Variants in NAALADL2 observed in about 807,000 individuals in gnomAD.
The protein encoded by NAALADL2 is inactive N-acetylated-alpha-linked acidic dipeptidase-like protein 2.
Under a neutral mutation model 87.2 loss-of-function variants are expected in NAALADL2, and 76 were observed. That is an observed-to-expected ratio of 0.87 (90% CI 0.72 to 1.05). The LOEUF (loss-of-function observed/expected upper bound fraction) is 1.05. Ranked by LOEUF, NAALADL2 falls within the 50% of genes least tolerant of loss-of-function variation. NAALADL2 has a pLI of 0.00. For missense variants in NAALADL2, 1,089 were observed against 945.8 expected, an observed-to-expected ratio of 1.15 and a Z score of -1.99; for synonymous variants, 354 against 331.0, an observed-to-expected ratio of 1.07 and a Z score of -0.75.
In NAALADL2 at chr3:175,446,922, C is replaced by T. The variant is rs571551194; in HGVS notation, c.1091-307C>T. 2.0e-5 allele frequency among the ~76,000 whole-genome samples: 3 copies of T among 152,262 alleles called. No homozygotes were observed. In the East Asian group the frequency reaches 5.8e-4, roughly 29 times the overall value. On this transcript the variant is annotated intron_variant, in intron 5 of 13. Transcript: ENST00000454872. ...TTATTACTATCTATTCTCCTGGCCCCTGTACCTTTATGCTTTCTCATTCTT... is the reference window on the plus strand; with the variant it reads ...TTATTACTATCTATTCTCCTGGCCCTTGTACCTTTATGCTTTCTCATTCTT...
chr3:174,915,045 T>C (rs1734193743), intron 1 of NAALADL2, among the ~76,000 whole-genome samples: 1 of 152,182 alleles, frequency 6.6e-6, no homozygotes, highest in African/African-American at 2.4e-5. Flanking sequence ...CTGGACAGGT[T>C]CTAAGAGTTC....
rs142771289 is a variant in NAALADL2 at position 175,031,050 on chromosome 3, T to A, written c.44-65740T>A. 3.2e-3 allele frequency among the ~76,000 whole-genome samples: 489 copies of A among 152,176 alleles called. 3 individuals are homozygous for A. Among genetic ancestry groups the A allele is most frequent in the African/African-American group, 0.01 (420 of 41,556 alleles). On this transcript the variant is annotated intron_variant, in intron 1 of 13. Transcript: ENST00000454872. Reference sequence around the variant, plus strand: ...TATTATAATTTTAAATAGTTAAATATCATGCATGATATTATAAAACTGTTA... The same window carrying A: ...TATTATAATTTTAAATAGTTAAATAACATGCATGATATTATAAAACTGTTA...
intron 2 of NAALADL2, among the ~76,000 whole-genome samples, chr3:174,610,288 T>C (rs1288945850): frequency 2.0e-5 from 3 of 151,940 alleles, no homozygotes; most frequent in East Asian, 3.9e-4. Context: ...CCAAAAGCAA[T>C]AGCAACAAAA....
intron 10 of NAALADL2, among the ~76,000 whole-genome samples, chr3:175,622,219 T>G (rs1188451841): frequency 6.6e-6 from 1 of 152,150 alleles, no homozygotes; most frequent in Non-Finnish European, 1.5e-5. Flanking sequence ...ACTTCATTGA[T>G]TTCATTAATA....
intron 1 of NAALADL2, among the ~76,000 whole-genome samples, chr3:174,924,758 T>C (rs1401469820): frequency 2.0e-5 from 3 of 152,130 alleles, no homozygotes; most frequent in Non-Finnish European, 4.4e-5. Context: ...ACCATTCTAA[T>C]TGGTGTGAGA....
chr3:175,074,352 T>C (rs1269728370), intron 1 of NAALADL2, among the ~76,000 whole-genome samples: 1 of 152,136 alleles, frequency 6.6e-6, no homozygotes, highest in Non-Finnish European at 1.5e-5. Context: ...AGATTTACTT[T>C]ATTTATCAAA....
intron 1 of NAALADL2, among the ~76,000 whole-genome samples, chr3:174,442,546 T>G (rs1046954171): frequency 8.5e-5 from 13 of 152,240 alleles, no homozygotes; most frequent in African/African-American, 3.1e-4. Context: ...GAATGAAATG[T>G]AATTTATTAA....
intron 11 of NAALADL2, among the ~76,000 whole-genome samples, chr3:175,632,266 TTCTCTCTCTCTCTCTC>T (rs61458338): frequency 7.8e-4 from 101 of 129,576 alleles, no homozygotes; most frequent in African/African-American, 2.4e-3. Context: ...CACTTTCCCC[TTCTCTCTCTCTCTCTC>T]TCTCTCTCTC....
chr3:175,534,195 C>T (rs965336347), intron 9 of NAALADL2, among the ~76,000 whole-genome samples: 1 of 151,910 alleles, frequency 6.6e-6, no homozygotes, highest in Non-Finnish European at 1.5e-5. Context: ...CTTAATATTC[C>T]GTTCCTCTAG....
At chr3:174,975,528 C>T (rs934528000) in intron 1 of NAALADL2, among the ~76,000 whole-genome samples, 1 of 152,168 alleles carries the variant, frequency 6.6e-6, no homozygotes, top group South Asian at 2.1e-4. Context: ...TACTTTTGCA[C>T]CAACCTAAAA....
intron 9 of NAALADL2, among the ~76,000 whole-genome samples, chr3:175,505,480 A>G (rs1468935582): frequency 6.6e-6 from 1 of 152,178 alleles, no homozygotes; most frequent in African/African-American, 2.4e-5. Context: ...TCATAGCAAA[A>G]GATAAAAAGA....
chr3:175,182,418 C>T (rs1736701253), intron 2 of NAALADL2, among the ~76,000 whole-genome samples: 1 of 151,804 alleles, frequency 6.6e-6, no homozygotes, highest in African/African-American at 2.4e-5. Context: ...CACAGGGTCT[C>T]TCTCTGTCAC....
intron 4 of NAALADL2, among the ~76,000 whole-genome samples, chr3:175,279,587 A>G (rs1398981086): frequency 1.3e-5 from 2 of 151,954 alleles, no homozygotes. Context: ...TCTCTTTAAA[A>G]CCACATACTT....
At chr3:174,794,271 C>T (rs763214075) in intron 3 of NAALADL2, among the ~76,000 whole-genome samples, 11 of 151,880 alleles carry the variant, frequency 7.2e-5, no homozygotes, top group African/African-American at 2.2e-4. Context: ...ATGAAAAAAG[C>T]GGCAAGTATT....
intron 5 of NAALADL2, among the ~76,000 whole-genome samples, chr3:175,393,228 T>A (rs894229075): frequency 2.1e-3 from 259 of 121,716 alleles, no homozygotes; most frequent in African/African-American, 8.0e-3. Flanking sequence ...GAGCCGAGAT[T>A]GCACCACTGC....
At chr3:174,661,791 T>G (rs1199227382) in intron 2 of NAALADL2, among the ~76,000 whole-genome samples, 2 of 152,034 alleles carry the variant, frequency 1.3e-5, no homozygotes, top group South Asian at 4.1e-4. Flanking sequence ...TAAAGAAATA[T>G]CCAATAAAGA....
chr3:174,499,033 C>CT (rs1228977385), intron 1 of NAALADL2, among the ~76,000 whole-genome samples: 1 of 151,880 alleles, frequency 6.6e-6, no homozygotes, highest in Non-Finnish European at 1.5e-5. Flanking sequence ...TACAATTAAT[C>CT]TTTTTTATGT....
At chr3:175,133,735 T>G (rs1057500613) in intron 2 of NAALADL2, among the ~76,000 whole-genome samples, 1 of 151,938 alleles carries the variant, frequency 6.6e-6, no homozygotes. Flanking sequence ...AGGGAGACCG[T>G]GGGGAGAGGG....
At chr3:175,729,395 T>A (rs1005436009) in intron 11 of NAALADL2, among the ~76,000 whole-genome samples, 4 of 152,192 alleles carry the variant, frequency 2.6e-5, no homozygotes, top group South Asian at 2.1e-4. Flanking sequence ...AAGGACTCTG[T>A]ACTTCTATAT....
Sources: gnomAD v4.1 joint callset for allele counts (sites outside exome capture counted in the v4.1 genomes callset) on GRCh38, gnomAD v4.1.1 for gene constraint, MANE v1.5 for transcripts, NCBI Gene and HGNC (gene_info 2026-07-23, HGNC 2026-07-21) for gene names.